PCCA: variants seen among roughly 807,000 people sequenced by gnomAD.
PCCA encodes the protein propionyl-CoA carboxylase subunit alpha.
In PCCA, 74 loss-of-function variants were observed where a neutral mutation model predicts 101.3. The observed-to-expected ratio is 0.73, with a 90% CI of 0.61 to 0.89. The LOEUF is 0.89. PCCA is among the 40% of genes least tolerant of loss of function. PCCA has a pLI of 0.00. For missense variants in PCCA, 891 were observed against 907.0 expected (o/e 0.98, Z 0.23); for synonymous variants, 294 against 313.6 (o/e 0.94, Z 0.66).
rs542832521 is a variant in PCCA at position 100,132,897 on chromosome 13, C to T, written c.300+20836C>T. On this transcript the variant is annotated intron_variant, in intron 4 of 23. Coordinates refer to ENST00000376285, the MANE Select transcript of PCCA (RefSeq NM_000282.4). ...CAAGCGATTCTCCTGCCTCAGCGTC[C>T]TGAGTAGCTGTAGCTGGCATTACAG... Among the ~76,000 whole-genome samples the T allele has an allele frequency of 3.3e-5, 5 of 152,214 alleles. No individual in the cohort carries two copies. The East Asian group carries it at 9.7e-4, about 29-fold the overall frequency.
chr13:100,262,462 G>A (rs1053619199), intron 9 of PCCA, among the ~76,000 whole-genome samples: 2 of 152,082 alleles, frequency 1.3e-5, no homozygotes, highest in Non-Finnish European at 2.9e-5. Context: ...GAAAATCTAG[G>A]ATCTGAGAAG....
At chr13:100,230,119 G>A (rs762909479) in intron 7 of PCCA, among the ~76,000 whole-genome samples, 4 of 152,216 alleles carry the variant, frequency 2.6e-5, no homozygotes, top group Non-Finnish European at 5.9e-5. Context: ...ATTTAGTAGA[G>A]AGTAAGACAG....
intron 19 of PCCA, among the ~76,000 whole-genome samples, chr13:100,408,026 C>T (rs2152864933): frequency 6.6e-6 from 1 of 152,212 alleles, no homozygotes; most frequent in East Asian, 1.9e-4. Context: ...GTGGCGGGCG[C>T]CTGTTATCCC....
intron 19 of PCCA, among the ~76,000 whole-genome samples, chr13:100,417,175 A>C (rs1259031942): frequency 6.6e-6 from 1 of 152,202 alleles, no homozygotes; most frequent in Non-Finnish European, 1.5e-5. Context: ...AATAATTTTC[A>C]ACCAAACTGA....
intron 4 of PCCA, among the ~76,000 whole-genome samples, chr13:100,113,119 A>G (rs1466904547): frequency 6.6e-6 from 1 of 152,236 alleles, no homozygotes; most frequent in Non-Finnish European, 1.5e-5. Context: ...TTGTGTGACC[A>G]TCACAGAATG....
intron 15 of PCCA, among the ~76,000 whole-genome samples, chr13:100,309,053 C>T (rs1266170286): frequency 2.6e-5 from 4 of 151,622 alleles, no homozygotes; most frequent in Non-Finnish European, 5.9e-5. Flanking sequence ...TAGTCGTCTT[C>T]TTTCTTTATA....
chr13:100,212,962 C>T (rs2059310490), intron 7 of PCCA, among the ~76,000 whole-genome samples: 1 of 151,854 alleles, frequency 6.6e-6, no homozygotes, highest in Non-Finnish European at 1.5e-5. Context: ...ATTTTTAGCT[C>T]CCACAGATGA....
intron 21 of PCCA, among the ~76,000 whole-genome samples, chr13:100,506,318 C>A (rs890335915): frequency 2.8e-4 from 41 of 144,902 alleles, no homozygotes; most frequent in African/African-American, 9.6e-4. Context: ...CCCCAAGATT[C>A]TTAGGCAACC....
intron 18 of PCCA, among the ~76,000 whole-genome samples, chr13:100,350,706 G>C (rs2073163426): frequency 6.6e-6 from 1 of 152,148 alleles, no homozygotes; most frequent in African/African-American, 2.4e-5. Flanking sequence ...ATTATTGCTG[G>C]AGAATTTCTC....
chr13:100,517,090 T>TGTGTGTGTGTGTG (rs2086891825), intron 22 of PCCA, among the ~76,000 whole-genome samples: 5 of 146,632 alleles, frequency 3.4e-5, no homozygotes, highest in East Asian at 2.0e-4. Context: ...TGTGTGTGTG[T>TGTGTGTGTGTGTG]TTCAAGTAAG....
At chr13:100,480,616 T>G (rs2083822209) in intron 21 of PCCA, among the ~76,000 whole-genome samples, 1 of 152,060 alleles carries the variant, frequency 6.6e-6, no homozygotes, top group South Asian at 2.1e-4. Context: ...TAGAGGAACC[T>G]CTCCATGAAA....
At chr13:100,517,039 A>G (rs967840778) in intron 22 of PCCA, among the ~76,000 whole-genome samples, 1 of 124,196 alleles carries the variant, frequency 8.1e-6, no homozygotes, top group Non-Finnish European at 1.7e-5. Flanking sequence ...GGCTTTAATT[A>G]TAAAATCGTG....
intron 16 of PCCA, among the ~76,000 whole-genome samples, chr13:100,316,102 A>G (rs1004655920): frequency 3.3e-5 from 5 of 152,200 alleles, no homozygotes; most frequent in Non-Finnish European, 7.4e-5. Flanking sequence ...AGGATTAATT[A>G]ATGGACAGTA....
At chr13:100,343,030 C>A (rs2071623270) in intron 18 of PCCA, among the ~76,000 whole-genome samples, 1 of 152,106 alleles carries the variant, frequency 6.6e-6, no homozygotes, top group Non-Finnish European at 1.5e-5. Flanking sequence ...AACCTTGTGT[C>A]TGCTAAGTAC....
intron 21 of PCCA, among the ~76,000 whole-genome samples, chr13:100,460,773 A>T (rs139419189): frequency 6.6e-6 from 1 of 152,362 alleles, no homozygotes; most frequent in African/African-American, 2.4e-5. Context: ...AGCACTTATG[A>T]AGTAACAGCG....
chr13:100,502,701 T>C (rs897351095), intron 21 of PCCA, among the ~76,000 whole-genome samples: 1 of 152,198 alleles, frequency 6.6e-6, no homozygotes, highest in Admixed American at 6.5e-5. Flanking sequence ...TTAAGAGAGC[T>C]TTCTGTTGAT....
intron 21 of PCCA, among the ~76,000 whole-genome samples, chr13:100,475,492 T>C (rs1254345605): frequency 6.6e-6 from 1 of 152,220 alleles, no homozygotes; most frequent in Non-Finnish European, 1.5e-5. Flanking sequence ...CATTCCTGTG[T>C]ATGGGCAAAT....
rs537223567 is a variant in PCCA, at chr13:100,381,375, C to T, written c.1746+12801C>T. ...CTGCACTCCAGCCTGGGCGATAGAG[C>T]GAGACTCCGTCTCAAAAAAAAAAAA... On this transcript the variant is annotated intron_variant, in intron 19 of 23. Coordinates refer to ENST00000376285, the MANE Select transcript of PCCA (RefSeq NM_000282.4). Among the ~76,000 whole-genome samples the T allele has an allele frequency of 1.4e-4, 20 of 142,114 alleles. No individual in the cohort carries two copies. In the South Asian group the frequency reaches 3.3e-3, roughly 23 times the overall value. The allele number at this position is 142,114 out of a possible 152,430, so 93.2% of individuals were successfully genotyped here.
chr13:100,331,410 T>C (rs1351248879), intron 17 of PCCA, among the ~76,000 whole-genome samples: 1 of 152,194 alleles, frequency 6.6e-6, no homozygotes, highest in Admixed American at 6.5e-5. Flanking sequence ...ATTTCAAGTG[T>C]TCTTTGTATC....
Sources: gnomAD v4.1 joint callset for allele counts (sites outside exome capture counted in the v4.1 genomes callset) on GRCh38, gnomAD v4.1.1 for gene constraint, MANE v1.5 for transcripts, NCBI Gene and HGNC (gene_info 2026-07-23, HGNC 2026-07-21) for gene names.